The following BTBD10 variants were observed in gnomAD, a reference collection of about 807,000 sequenced individuals.
BTBD10 encodes BTB domain containing 10, also known as BTB/POZ domain-containing protein 10.
Under a neutral mutation model 53.2 loss-of-function variants are expected in BTBD10, and 21 were observed. That is an observed-to-expected ratio of 0.39 (90% CI 0.28 to 0.57). The LOEUF (loss-of-function observed/expected upper bound fraction) is 0.57, where lower values mean the gene tolerates loss of function less well. Among genes scored for constraint, BTBD10 ranks in the 20% least tolerant of loss-of-function variants. The pLI, the probability that BTBD10 is intolerant of heterozygous loss-of-function variation, is 0.53. For missense variants in BTBD10, 360 were observed against 594.7 expected (o/e 0.61, Z 4.10); for synonymous variants, 149 against 192.7 (o/e 0.77, Z 1.88).
intron 7 of BTBD10, 90 bp from the exon 8 acceptor site, chr11:13,403,368 A>C (rs1949751370): frequency 1.5e-6 from 1 of 657,574 alleles, no homozygotes; most frequent in Non-Finnish European, 2.4e-6. Context: ...GGGGCCTAAC[A>C]GTCCTAAAAG....
chr11:13,453,598 TTAAATA>T (rs1434264105), intron 1 of BTBD10, among the ~76,000 whole-genome samples: 1 of 152,214 alleles, frequency 6.6e-6, no homozygotes, highest in East Asian at 1.9e-4. Flanking sequence ...TTTGGATTGC[TTAAATA>T]TAGTCACTAC....
rs200018848 is a variant in BTBD10 at position 13,419,556 on chromosome 11, A to G, written c.488T>C (p.Ile163Thr). Reference sequence around the variant, plus strand: ...TAGTGTCACTCGTTCTGACGTTCTTATATTCCGAGCTCCTTCTTTTGCATT... The same window carrying G: ...TAGTGTCACTCGTTCTGACGTTCTTGTATTCCGAGCTCCTTCTTTTGCATT... ...YENAKEGARN[I>T]RTSERVTLIV... is the part of the protein sequence containing the mutation. The change falls in exon 4 of 9, where the codon ATA becomes ACA. Residue 163 changes from isoleucine to threonine, a missense_variant. By Grantham distance (89) the Ile-to-Thr change is moderately conservative. Transcript: ENST00000278174. 83 of 1,614,114 alleles carry G rather than the reference A, an allele frequency of 5.1e-5. 1 individual carries two copies. The highest frequency in any genetic ancestry group is 3.3e-5 in the Non-Finnish European group (39 of 1,179,994).
chr11:13,443,139 A>G (rs1292898926), intron 2 of BTBD10, among the ~76,000 whole-genome samples: 1 of 152,090 alleles, frequency 6.6e-6, no homozygotes. Flanking sequence ...CTGTAGTCCT[A>G]GGTACTCCAG....
At chr11:13,393,265 A>G (rs1216735593) in intron 8 of BTBD10, among the ~76,000 whole-genome samples, 2 of 152,180 alleles carry the variant, frequency 1.3e-5, no homozygotes, top group East Asian at 3.8e-4. Context: ...TTTTTTGAAT[A>G]CTTCCGGCCT....
intron 8 of BTBD10, among the ~76,000 whole-genome samples, chr11:13,394,389 C>A (rs969055404): frequency 3.9e-5 from 6 of 152,108 alleles, no homozygotes; most frequent in Non-Finnish European, 7.4e-5. Flanking sequence ...CTCCTGCCAC[C>A]ATGTGAAGAA....
At chr11:13,462,639 C>T (rs1407166325) in intron 1 of BTBD10, 1 of 152,234 alleles carries the variant, frequency 6.6e-6, no homozygotes, top group African/African-American at 2.4e-5. Context: ...AAAATGGTTA[C>T]AACATAAAAC....
chr11:13,420,461 A>T (rs1311428505), intron 3 of BTBD10, among the ~76,000 whole-genome samples: 1 of 152,162 alleles, frequency 6.6e-6, no homozygotes, highest in African/African-American at 2.4e-5. Context: ...CATAGGTAGA[A>T]AATATTGTTA....
chr11:13,446,514 T>C (rs1377611908), intron 1 of BTBD10, among the ~76,000 whole-genome samples: 1 of 152,116 alleles, frequency 6.6e-6, no homozygotes, highest in East Asian at 1.9e-4. Context: ...GCATTTAATA[T>C]AATAAATACA....
At chr11:13,407,181 T>C (rs1041350268) in intron 6 of BTBD10, among the ~76,000 whole-genome samples, 4 of 152,212 alleles carry the variant, frequency 2.6e-5, no homozygotes, top group African/African-American at 9.6e-5. Context: ...CTATTCTTCC[T>C]CAGTAACCTT....
chr11:13,447,558 G>GTA (rs1950773046), intron 1 of BTBD10, among the ~76,000 whole-genome samples: 2 of 152,170 alleles, frequency 1.3e-5, no homozygotes, highest in Non-Finnish European at 2.9e-5. Context: ...GATAAGCAAG[G>GTA]CAAATTCAGA....
chr11:13,417,007 A>G, intron 5 of BTBD10, 151 bp downstream of exon 5: 1 of 543,136 alleles, frequency 1.8e-6, no homozygotes, highest in Non-Finnish European at 3.1e-6. Context: ...AATATAAACA[A>G]AATAAAATAA....
At chr11:13,403,868 T>C (rs1949762000) in intron 7 of BTBD10, among the ~76,000 whole-genome samples, 1 of 152,186 alleles carries the variant, frequency 6.6e-6, no homozygotes, top group South Asian at 2.1e-4. Flanking sequence ...GGTTAGTCTG[T>C]TTAGAGCAAA....
intron 2 of BTBD10, among the ~76,000 whole-genome samples, chr11:13,426,002 CAG>C (rs1950331053): frequency 6.6e-6 from 1 of 151,806 alleles, no homozygotes; most frequent in Non-Finnish European, 1.5e-5. Flanking sequence ...AAAGAGAAAA[CAG>C]AAAAATAAAC....
chr11:13,405,455 G>A (rs542114749), intron 7 of BTBD10: 6 of 568,430 alleles, frequency 1.1e-5, no homozygotes, highest in South Asian at 6.4e-5. Context: ...TGGGCATTGC[G>A]AGCCATGCAG....
intron 6 of BTBD10, among the ~76,000 whole-genome samples, chr11:13,408,932 A>ATC (rs1949883544): frequency 2.6e-5 from 4 of 152,306 alleles, no homozygotes; most frequent in African/African-American, 9.6e-5. Context: ...GGATTATAGC[A>ATC]CTGAACAACT....
At chr11:13,453,125 G>A (rs1185432496) in intron 1 of BTBD10, among the ~76,000 whole-genome samples, 1 of 151,910 alleles carries the variant, frequency 6.6e-6, no homozygotes, top group Non-Finnish European at 1.5e-5. Flanking sequence ...TAGTTTATCG[G>A]TTAAAACTCT....
At position 13,395,122 on chromosome 11, in the gene BTBD10, A is replaced by G. The variant is rs889604229; in HGVS notation, c.1118-5981T>C. ...AGATCCATGAGGAATCGCCACACCAACTTCCACAATGGTTGAACTAGTTTA... is the reference window on the plus strand; with the variant it reads ...AGATCCATGAGGAATCGCCACACCAGCTTCCACAATGGTTGAACTAGTTTA... On this transcript the variant is annotated intron_variant, in intron 8 of 8. Coordinates refer to ENST00000278174, the MANE Select transcript of BTBD10 (RefSeq NM_032320.7). Among the ~76,000 whole-genome samples, 84 of 147,184 alleles carry G rather than the reference A, an allele frequency of 5.7e-4. 5 individuals are homozygous for G. Among genetic ancestry groups the G allele is most frequent in the Non-Finnish European group, 7.4e-4 (49 of 65,940 alleles).
Position 13,414,547 on chromosome 11 carries a change from G to C in BTBD10, c.688-897C>G, listed in dbSNP as rs181819254. 4.2e-4 allele frequency among the ~76,000 whole-genome samples: 64 copies of C among 152,084 alleles called. No homozygotes were observed. The East Asian group carries it at 0.011, about 27-fold the overall frequency. On this transcript the variant is annotated intron_variant, in intron 5 of 8. Coordinates refer to ENST00000278174, the MANE Select transcript of BTBD10 (RefSeq NM_032320.7). ...CAGGCACCTGTAGTCCCAGCTACTC[G>C]GGAGGCTGAGGCAGGAGAATGGCAT...
Position 13,388,850 on chromosome 11 carries a change from G to A in BTBD10, c.1409C>T (p.Ala470Val). Residue 470 changes from alanine (A) to valine (V), a missense_variant, in exon 9 of 9, where the codon GCA becomes GTA. Ala to Val is a moderately conservative substitution (Grantham distance 64, BLOSUM62 0). Coordinates refer to ENST00000278174, the MANE Select transcript of BTBD10 (RefSeq NM_032320.7). ...TCAGCATCACAGCATTGGATTCTGT[G>A]CATCAGGATCGAGGTCACTGTTGCC... is the stretch of plus-strand genomic sequence containing the variant. ...PSGNSDLDPD[A>V]QNPML The A allele has an allele frequency of 1.2e-6, 2 of 1,613,194 alleles. No homozygotes were observed. Among genetic ancestry groups the A allele is most frequent in the Non-Finnish European group, 8.5e-7 (1 of 1,179,292 alleles).
Sources: gnomAD v4.1 joint callset for allele counts (sites outside exome capture counted in the v4.1 genomes callset) on GRCh38, gnomAD v4.1.1 for gene constraint, MANE v1.5 for transcripts, NCBI Gene and HGNC (gene_info 2026-07-23, HGNC 2026-07-21) for gene names.